EPB41: variants seen among roughly 807,000 people sequenced by gnomAD.
EPB41 encodes erythrocyte membrane protein band 4.1.
EPB41 carries 65 observed loss-of-function variants against 108.0 expected under a neutral mutation model. The observed-to-expected ratio is 0.60, with a 90% CI of 0.49 to 0.74. The LOEUF (loss-of-function observed/expected upper bound fraction) is 0.74. Among genes scored for constraint, EPB41 ranks in the 30% least tolerant of loss-of-function variants. EPB41 has a pLI of 0.00. For missense variants in EPB41, 875 were observed against 1,037.0 expected, an observed-to-expected ratio of 0.84 and a Z score of 2.15; for synonymous variants, 336 against 358.9, an observed-to-expected ratio of 0.94 and a Z score of 0.72.
chr1:28,954,441 A>G lies in EPB41; in HGVS notation c.-7-32990A>G, dbSNP rs192476359. 1.9e-3 allele frequency among the ~76,000 whole-genome samples: 297 copies of G among 152,352 alleles called. 2 individuals carry two copies. Among genetic ancestry groups the G allele is most frequent in the Admixed American group, 4.6e-3 (70 of 15,300 alleles). ...TTGGTTTGAGGTTGCTGTTCCTTAA[A>G]TCAGGGAACCCCTTTGTTTAGCATT... is the stretch of plus-strand genomic sequence containing the variant. On this transcript the variant is annotated intron_variant, in intron 1 of 20. Coordinates refer to ENST00000343067, the MANE Select transcript of EPB41 (RefSeq NM_001376013.1).
In EPB41 at chr1:29,115,776, G is replaced by A; in HGVS notation, c.2574G>A (p.Glu858=). ...TGACCAAGGTGGTCGTCCACCAGGA[G>A]ACCGAGATTGCTGATGAGTGAGCTC... The part of the protein sequence containing the change: ...MSVTKVVVHQ[E]TEIADE Residue 858 remains glutamate, a synonymous_variant, in exon 20 of 21, where the codon GAG becomes GAA. Transcript: ENST00000343067. This position sits in a 1 kb window ranked among gnomAD's most constrained non-coding sequence, Gnocchi z 4.4. 6.2e-7 allele frequency: 1 copy of A among 1,614,074 alleles called. No individual in the cohort carries two copies. The highest frequency in any genetic ancestry group is 8.5e-7 in the Non-Finnish European group (1 of 1,180,000).
chr1:28,893,483 T>A (rs911901205), intron 1 of EPB41: 2 of 152,294 alleles, frequency 1.3e-5, no homozygotes, highest in African/African-American at 4.8e-5. Flanking sequence ...ACAGGGGCCA[T>A]GTCTGTCTTC....
rs1300188882 is a variant in EPB41 at position 29,018,032 on chromosome 1, G to A, written c.906-192G>A. 3.3e-5 allele frequency among the ~76,000 whole-genome samples: 5 copies of A among 151,522 alleles called. No individual in the cohort carries two copies. Among genetic ancestry groups the A allele is most frequent in the African/African-American group, 4.9e-5 (2 of 41,146 alleles). ...CAAACACACAGAGAGAAATAATAGC[G>A]CAATGAACTACCATATACCAACTAC... On this transcript the variant is annotated intron_variant, in intron 6 of 20. Coordinates refer to ENST00000343067, the MANE Select transcript of EPB41 (RefSeq NM_001376013.1). The surrounding 1 kb of genome is among the most constrained non-coding windows in gnomAD (Gnocchi z 4.4).
intron 16 of EPB41, among the ~76,000 whole-genome samples, chr1:29,080,400 C>T (rs562750758): frequency 6.7e-6 from 1 of 150,280 alleles, no homozygotes; most frequent in Admixed American, 6.6e-5. Flanking sequence ...CTGTGCCTGG[C>T]CCCTTTTTTT....
intron 1 of EPB41, among the ~76,000 whole-genome samples, chr1:28,924,540 T>C (rs1472382910): frequency 2.0e-5 from 3 of 149,192 alleles, no homozygotes; most frequent in Non-Finnish European, 4.5e-5. Context: ...AAAAAAAAAA[T>C]AAAAAAGACC....
intron 1 of EPB41, among the ~76,000 whole-genome samples, chr1:28,948,801 T>G (rs2094587318): frequency 6.6e-6 from 1 of 151,656 alleles, no homozygotes; most frequent in Non-Finnish European, 1.5e-5. Context: ...ATACAAAAAT[T>G]AGCTGGGCAT....
Position 29,088,196 on chromosome 1 carries a change from G to A in EPB41, c.2185-9611G>A, listed in dbSNP as rs138986613. ...TGAGTAGCTGGGATTACAGGCGTGC[G>A]CTACCACGCCTGGCTAATTTTTGTA... On this transcript the variant is annotated intron_variant, in intron 16 of 20. Transcript: ENST00000343067. Among the ~76,000 whole-genome samples the A allele has an allele frequency of 4.5e-3, 689 of 151,886 alleles. 4 individuals carry two copies. Among genetic ancestry groups the A allele is most frequent in the African/African-American group, 0.016 (651 of 41,442 alleles).
intron 1 of EPB41, among the ~76,000 whole-genome samples, chr1:28,899,727 C>T (rs2091079929): frequency 6.6e-6 from 1 of 152,132 alleles, no homozygotes; most frequent in African/African-American, 2.4e-5. Context: ...TAGCTCTCCA[C>T]ACTGTGAGAT....
chr1:29,031,803 G>C (rs982479403), intron 8 of EPB41: 1 of 152,106 alleles, frequency 6.6e-6, no homozygotes, highest in Non-Finnish European at 1.5e-5. Context: ...AAAGTTGCTG[G>C]GGAGGTCCAG....
chr1:28,888,288 T>G (rs1557597280), intron 1 of EPB41, among the ~76,000 whole-genome samples: 1 of 152,074 alleles, frequency 6.6e-6, no homozygotes. Flanking sequence ...CTCGTCAGGG[T>G]CAGGTCCTCA....
intron 1 of EPB41, chr1:28,889,910 G>T: frequency 2.2e-6 from 2 of 911,988 alleles, no homozygotes; most frequent in Non-Finnish European, 2.6e-6. Flanking sequence ...ATGGTGTCCT[G>T]AGATTTGTTA....
chr1:28,913,885 T>A (rs183586581), upstream of EPB41, among the ~76,000 whole-genome samples: 1 of 152,192 alleles, frequency 6.6e-6, no homozygotes, highest in Non-Finnish European at 1.5e-5. Flanking sequence ...GGAAGCTAGG[T>A]CTTTATAATG....
chr1:28,991,243 C>T (rs2096011060), intron 2 of EPB41, among the ~76,000 whole-genome samples: 1 of 150,070 alleles, frequency 6.7e-6, no homozygotes, highest in African/African-American at 2.4e-5. Context: ...TAGGATTGTA[C>T]CAGTCTTCAT....
chr1:29,030,296 G>T, intron 7 of EPB41, 104 bp from the exon 8 acceptor site: 1 of 853,564 alleles, frequency 1.2e-6, no homozygotes, highest in East Asian at 2.5e-5. Flanking sequence ...TAATATAGTG[G>T]TATGTATATG....
chr1:29,053,240 A>C lies in EPB41; in HGVS notation c.1773A>C (p.Thr591=). Residue 591 remains threonine, a synonymous_variant, in exon 12 of 21, where the codon ACA becomes ACC. Coordinates refer to ENST00000343067, the MANE Select transcript of EPB41 (RefSeq NM_001376013.1). ...TGGTCCCTAAAGCACAGAAGGAAAC[A>C]GTGAAGGCTGAAGTGAAAAAGGAAG... ...KTVVPKAQKE[T]VKAEVKKEDE... is the part of the protein sequence containing the mutation. 5 of 1,614,212 alleles carry C rather than the reference A, an allele frequency of 3.1e-6. No homozygotes were observed. The highest frequency in any genetic ancestry group is 2.2e-5 in the East Asian group (1 of 44,880).
chr1:29,030,644 C>G (rs2096776713), intron 8 of EPB41, among the ~76,000 whole-genome samples, 157 bp downstream of exon 8: 1 of 152,022 alleles, frequency 6.6e-6, no homozygotes, highest in South Asian at 2.1e-4. Flanking sequence ...GGCACAGCAG[C>G]TCATGCCTGT....
At chr1:28,904,384 G>T (rs203285) in intron 1 of EPB41, among the ~76,000 whole-genome samples, 18,584 of 151,934 alleles carry the variant, frequency 0.12, 1,560 homozygotes, top group African/African-American at 0.25. Context: ...GTTGCTAGCA[G>T]ATTTAAAATA....
In EPB41 at chr1:29,027,623, G is replaced by C. The variant is rs542608210; in HGVS notation, c.1125-2777G>C. Among the ~76,000 whole-genome samples, 4 of 151,914 alleles carry C rather than the reference G, an allele frequency of 2.6e-5. No individual in the cohort carries two copies. The East Asian group carries it at 5.9e-4, about 22-fold the overall frequency. On this transcript the variant is annotated intron_variant, in intron 7 of 20. Coordinates refer to ENST00000343067, the MANE Select transcript of EPB41 (RefSeq NM_001376013.1). ...TGGGATTATAGGCATGAGCCACCGC[G>C]CCTGGCTGAGACAAGGTCTCTCTAT... is the stretch of plus-strand genomic sequence containing the variant.
chr1:28,996,893 G>A (rs1430997599), intron 3 of EPB41, among the ~76,000 whole-genome samples: 1 of 152,140 alleles, frequency 6.6e-6, no homozygotes, highest in Non-Finnish European at 1.5e-5. Context: ...CCAGCACGTT[G>A]GAAGGCTGAG....
Sources: allele counts gnomAD v4.1 joint callset (sites outside exome capture counted in the v4.1 genomes callset), GRCh38; gene constraint gnomAD v4.1.1; non-coding constraint Gnocchi (gnomAD v3.1); transcripts MANE v1.5; gene names NCBI Gene and HGNC (gene_info 2026-07-23, HGNC 2026-07-21).